Variants in CASP10 observed in about 807,000 individuals in gnomAD.
CASP10 encodes caspase 10, also known as caspase-10.
CASP10 carries 41 observed loss-of-function variants against 48.5 expected under a neutral mutation model. The ratio of observed to expected loss-of-function variants is 0.85; its 90% CI spans 0.66 to 1.10. CASP10 has a LOEUF of 1.10. CASP10 is among the 50% of genes least tolerant of loss of function. The pLI, the probability that CASP10 is intolerant of heterozygous loss-of-function variation, is 0.00. For missense variants in CASP10, 614 were observed against 614.5 expected (o/e 1.00, Z 0.01); for synonymous variants, 232 against 238.4 (o/e 0.97, Z 0.25).
At chr2:201,225,635 T>C (rs777147577), downstream of CASP10, among the ~76,000 whole-genome samples, 1 of 152,230 alleles carries the variant, frequency 6.6e-6, no homozygotes, top group Admixed American at 6.5e-5. Context: ...AAGAAACACT[T>C]GCCTCTTGAC....
intron 5 of CASP10, among the ~76,000 whole-genome samples, chr2:201,201,228 T>C (rs1945008693): frequency 6.6e-6 from 1 of 151,950 alleles, no homozygotes; most frequent in African/African-American, 2.4e-5. Context: ...TTTTTTTGTA[T>C]TTTTAGTAGA....
chr2:201,200,533 G>T, intron 5 of CASP10: 1 of 1,597,656 alleles, frequency 6.3e-7, no homozygotes, highest in Admixed American at 1.7e-5. Flanking sequence ...CTGGGCAAAC[G>T]CCCACCTGAA....
Position 201,217,742 on chromosome 2 carries a change from C to T in CASP10, c.*1C>T. ...GCCCCTGGATGCACTTTCATTATAG[C>T]AGAGAGTTTTTGTTGGTTCTTAGAC... On this transcript the variant is annotated 3_prime_UTR_variant, in exon 10 of 10. Transcript: ENST00000286186. 1 of 1,613,810 alleles carries T rather than the reference C, an allele frequency of 6.2e-7. No homozygotes were observed. Among genetic ancestry groups the T allele is most frequent in the Non-Finnish European group, 8.5e-7 (1 of 1,179,792 alleles).
intron 6 of CASP10, among the ~76,000 whole-genome samples, chr2:201,204,011 T>G (rs1045089978): frequency 6.6e-6 from 1 of 152,180 alleles, no homozygotes; most frequent in African/African-American, 2.4e-5. Flanking sequence ...TTCTAGGGAC[T>G]GCAGGCGGCT....
In CASP10 at chr2:201,187,693, G is replaced by C. The variant is rs771697338; in HGVS notation, c.348-13G>C. ...TGTAAGGCTTTATTTGTCATTTTGG[G>C]TGTGTGTCTTAGAAACCTGCTCTAC... On this transcript the variant is annotated splice_polypyrimidine_tract_variant and intron_variant, in intron 2 of 9. Transcript: ENST00000286186. 5 of 1,598,750 alleles carry C rather than the reference G, an allele frequency of 3.1e-6. No individual in the cohort carries two copies. The Admixed American group carries it at 6.7e-5, about 21-fold the overall frequency.
chr2:201,201,040 G>T (rs1399643786), intron 5 of CASP10, among the ~76,000 whole-genome samples: 1 of 151,838 alleles, frequency 6.6e-6, no homozygotes, highest in Non-Finnish European at 1.5e-5. Flanking sequence ...TCCCCCAGAA[G>T]CTCTTTATTA....
chr2:201,201,993 G>A (rs1231687843), intron 5 of CASP10, among the ~76,000 whole-genome samples: 2 of 152,130 alleles, frequency 1.3e-5, no homozygotes, highest in African/African-American at 2.4e-5. Flanking sequence ...TGGGATTACA[G>A]GCACGTGCCA....
chr2:201,212,960 G>A (rs1183806070), intron 9 of CASP10: 1 of 152,214 alleles, frequency 6.6e-6, no homozygotes, highest in African/African-American at 2.4e-5. Flanking sequence ...AATGGTGAAA[G>A]TGCATGCGAC....
At chr2:201,206,015 T>G (rs1170421956) in intron 7 of CASP10, 42 bp downstream of exon 7, 2 of 1,373,348 alleles carry the variant, frequency 1.5e-6, no homozygotes. Context: ...TAAAAAAATT[T>G]TTTTTCCAAA....
intron 6 of CASP10, among the ~76,000 whole-genome samples, chr2:201,205,398 TG>T (rs1305277431): frequency 6.6e-6 from 1 of 151,726 alleles, no homozygotes; most frequent in Non-Finnish European, 1.5e-5. Context: ...GCTAATTTTT[TG>T]TATTTTTTTT....
At chr2:201,225,731 G>A (rs773429202), downstream of CASP10, among the ~76,000 whole-genome samples, 2 of 152,186 alleles carry the variant, frequency 1.3e-5, no homozygotes, top group Admixed American at 6.5e-5. Flanking sequence ...CAGAACTTTG[G>A]GAGGCCGAGG....
chr2:201,207,625 C>T (rs371847514), intron 7 of CASP10, among the ~76,000 whole-genome samples: 30 of 152,072 alleles, frequency 2.0e-4, no homozygotes, highest in African/African-American at 6.3e-4. Flanking sequence ...GGCATGGTGG[C>T]GGGCGCCTGT....
In CASP10 at chr2:201,218,577, C is replaced by T; in HGVS notation, c.*836C>T. On this transcript the variant is annotated 3_prime_UTR_variant, in exon 10 of 10. Coordinates refer to ENST00000286186, the MANE Select transcript of CASP10 (RefSeq NM_032977.4). ...TCAGCTTCTCAAAGTTCTGGGACTA[C>T]AGGCATGAAATACTGTGCCTGGCCT... 2 of 983,774 alleles carry T rather than the reference C, an allele frequency of 2.0e-6. No individual in the cohort carries two copies. Among genetic ancestry groups the T allele is most frequent in the Non-Finnish European group, 2.4e-6 (2 of 828,446 alleles). 60.9% of individuals were successfully genotyped at this position (983,774 alleles called of 1,614,324 possible). A position where few individuals can be genotyped will look rare whatever the true frequency, so the allele number is the denominator to read the frequency against.
At position 201,221,300 on chromosome 2, in the gene CASP10, C is replaced by A; in HGVS notation, c.*3559C>A. On this transcript the variant is annotated 3_prime_UTR_variant, in exon 10 of 10. Coordinates refer to ENST00000286186, the MANE Select transcript of CASP10 (RefSeq NM_032977.4). Reference sequence around the variant, plus strand: ...TTGGACAAAATGCTGTTGATAAAACCTCCTGTCAGGCCTCTGAGCCCAAGC... The same window carrying A: ...TTGGACAAAATGCTGTTGATAAAACATCCTGTCAGGCCTCTGAGCCCAAGC... The A allele has an allele frequency of 5.1e-6, 5 of 986,264 alleles. No homozygotes were observed. The South Asian group carries it at 2.3e-4, about 46-fold the overall frequency. The allele number at this position is 986,264 out of a possible 1,614,324, so 61.1% of individuals were successfully genotyped here. A position where few individuals can be genotyped will look rare whatever the true frequency, so the allele number is the denominator to read the frequency against.
chr2:201,227,093 G>C (rs781221350), intron 9 of CASP10, among the ~76,000 whole-genome samples: 1 of 152,090 alleles, frequency 6.6e-6, no homozygotes, highest in Admixed American at 6.6e-5. Context: ...GGGACAGGGG[G>C]GAACATGCCA....
In CASP10 at chr2:201,195,830, T is replaced by C; in HGVS notation, c.578-12T>C. 6.3e-7 allele frequency: 1 copy of C among 1,596,702 alleles called. No individual in the cohort carries two copies. Among genetic ancestry groups the C allele is most frequent in the Non-Finnish European group, 8.6e-7 (1 of 1,164,196 alleles). On this transcript the variant is annotated splice_polypyrimidine_tract_variant and intron_variant, in intron 4 of 9. Transcript: ENST00000286186. ...GTGATTTTTATTTTTCTGTCTGTGA[T>C]TTTATTTTCAGCTATCCAGATAGTG...
chr2:201,209,534 T>C lies in CASP10; in HGVS notation c.1387T>C (p.Cys463Arg). Residue 463 changes from cysteine to arginine, a missense_variant, in exon 9 of 10, where the codon TGT becomes CGT. Cys to Arg is a radical substitution (Grantham distance 180). Coordinates refer to ENST00000286186, the MANE Select transcript of CASP10 (RefSeq NM_032977.4). The part of the protein sequence containing the change: ...EEGSWYIQSL[C>R]NHLKKLVPRH... ...AGGCAGCTGGTATATTCAGTCTCTG[T>C]GTAATCATCTGAAGAAATTGGTCCC... The C allele has an allele frequency of 6.2e-7, 1 of 1,611,064 alleles. No individual in the cohort carries two copies. The highest frequency in any genetic ancestry group is 1.1e-5 in the South Asian group (1 of 90,360).
chr2:201,215,256 A>ATTTTTTTTTTT (rs1945536428), intron 9 of CASP10, among the ~76,000 whole-genome samples: 1 of 70,914 alleles, frequency 1.4e-5, no homozygotes, highest in African/African-American at 5.2e-5. Context: ...AAGGGTTTTA[A>ATTTTTTTTTTT]TTTGATGTAA....
intron 4 of CASP10, among the ~76,000 whole-genome samples, chr2:201,193,710 A>G (rs1944692115): frequency 6.6e-6 from 1 of 152,206 alleles, no homozygotes; most frequent in African/African-American, 2.4e-5. Context: ...GTTTTAGACA[A>G]ACGTCTTTTT....
Sources: allele counts gnomAD v4.1 joint callset (sites outside exome capture counted in the v4.1 genomes callset), GRCh38; gene constraint gnomAD v4.1.1; transcripts MANE v1.5; gene names NCBI Gene and HGNC (gene_info 2026-07-23, HGNC 2026-07-21).